Variants in PCDHGA1 observed in about 807,000 individuals in gnomAD.
PCDHGA1 encodes protocadherin gamma subfamily A, 1.
Under a neutral mutation model 58.0 loss-of-function variants are expected in PCDHGA1, and 32 were observed. The ratio of observed to expected loss-of-function variants is 0.55; its 90% CI spans 0.42 to 0.74. The LOEUF is 0.74. Ranked by LOEUF, PCDHGA1 falls within the 30% of genes least tolerant of loss-of-function variation. The pLI, the probability that PCDHGA1 is intolerant of heterozygous loss-of-function variation, is 0.00. For synonymous variants in PCDHGA1, 498 were observed against 501.1 expected, an observed-to-expected ratio of 0.99 and a Z score of 0.08; for missense variants, 1,205 against 1,182.3, an observed-to-expected ratio of 1.02 and a Z score of -0.28.
chr5:141,477,379 A>C lies in PCDHGA1; in HGVS notation c.2422-17428A>C, dbSNP rs1293075706. The stretch of plus-strand genomic sequence containing the variant: ...CAGACCTGGATCGGGAGACTGTGCC[A>C]GAATACAACCTCAGCATCACCGCCC... On this transcript the variant is annotated intron_variant, in intron 1 of 3. Transcript: ENST00000517417. This position sits in a 1 kb window ranked among gnomAD's most constrained non-coding sequence, Gnocchi z 4.9. 2 of 1,614,184 alleles carry C rather than the reference A, an allele frequency of 1.2e-6. No homozygotes were observed. Among genetic ancestry groups the C allele is most frequent in the Non-Finnish European group, 1.7e-6 (2 of 1,180,034 alleles).
intron 1 of PCDHGA1, among the ~76,000 whole-genome samples, chr5:141,387,064 G>A (rs2090802887): frequency 6.6e-6 from 1 of 152,174 alleles, no homozygotes; most frequent in Admixed American, 6.5e-5. Context: ...ATGAGGAGAG[G>A]AGTAGGCTAC....
At chr5:141,405,380 A>G in intron 1 of PCDHGA1, 1 of 1,602,960 alleles carries the variant, frequency 6.2e-7, no homozygotes, top group Non-Finnish European at 8.5e-7. Context: ...GGTTCCGGTG[A>G]GTTCATTTTT....
At chr5:141,384,110 T>A in intron 1 of PCDHGA1, 1 of 1,604,780 alleles carries the variant, frequency 6.2e-7, no homozygotes, top group Non-Finnish European at 8.5e-7. Context: ...TATTATAGAT[T>A]GGTCACAACC....
rs71576115 is a variant in PCDHGA1, at chr5:141,463,438, CTTTT to C, written c.2422-31344_2422-31341del. Among the ~76,000 whole-genome samples, 12 of 103,242 alleles carry C rather than the reference CTTTT, an allele frequency of 1.2e-4. No homozygotes were observed. In the South Asian group the frequency reaches 1.6e-3, roughly 14 times the overall value. 67.7% of individuals were successfully genotyped at this position (103,242 alleles called of 152,430 possible). ...GTTTGCGGATCCTCATTTCCTTCTCCTTTTTTTTTTTTTTTTTTTTTTTTTTTTG... is the reference window on the plus strand; with the variant it reads ...GTTTGCGGATCCTCATTTCCTTCTCCTTTTTTTTTTTTTTTTTTTTTTTTG... On this transcript the variant is annotated intron_variant, in intron 1 of 3. Coordinates refer to ENST00000517417, the MANE Select transcript of PCDHGA1 (RefSeq NM_018912.3).
At chr5:141,422,781 A>C (rs746943605) in intron 1 of PCDHGA1, 13 of 1,613,964 alleles carry the variant, frequency 8.1e-6, no homozygotes, top group African/African-American at 1.3e-5. Flanking sequence ...TCTATGCCCT[A>C]CAATCCTTCG....
chr5:141,419,304 G>T, intron 1 of PCDHGA1: 1 of 1,613,994 alleles, frequency 6.2e-7, no homozygotes, highest in Non-Finnish European at 8.5e-7. Context: ...CCAGACTTCG[G>T]GCTCAACGGC....
chr5:141,344,082 T>G (rs762082229), intron 1 of PCDHGA1: 2 of 1,611,254 alleles, frequency 1.2e-6, no homozygotes, highest in Admixed American at 1.7e-5. Flanking sequence ...GGCCCTGCTG[T>G]GCGCGCTCCT....
At position 141,486,182 on chromosome 5, in the gene PCDHGA1, C is replaced by G. The variant is rs1288782056; in HGVS notation, c.2422-8625C>G. On this transcript the variant is annotated intron_variant, in intron 1 of 3. Transcript: ENST00000517417. This position sits in a 1 kb window ranked among gnomAD's most constrained non-coding sequence, Gnocchi z 5.0. ...AGCCATGGAGCAACATTGCAGCCTT[C>G]GAGTGGATCTGCTGGACGTAAATGA... 1 of 1,614,198 alleles carries G rather than the reference C, an allele frequency of 6.2e-7. No individual in the cohort carries two copies. Among genetic ancestry groups the G allele is most frequent in the Non-Finnish European group, 8.5e-7 (1 of 1,180,028 alleles).
At chr5:141,420,483 T>C in intron 1 of PCDHGA1, 2 of 581,364 alleles carry the variant, frequency 3.4e-6, no homozygotes, top group Non-Finnish European at 5.2e-6. Context: ...GCAAACTACA[T>C]GGGTAATCTC....
At chr5:141,452,134 T>C (rs539377216) in intron 1 of PCDHGA1, among the ~76,000 whole-genome samples, 2 of 152,344 alleles carry the variant, frequency 1.3e-5, no homozygotes, top group South Asian at 2.1e-4. Flanking sequence ...ATATGGCTCA[T>C]GTGTTTTTTC....
intron 3 of PCDHGA1, chr5:141,506,955 C>T (rs1387377785): frequency 2.6e-5 from 4 of 152,362 alleles, no homozygotes; most frequent in South Asian, 2.1e-4. Context: ...AATGAATCCT[C>T]TCAATAGCTC....
intron 1 of PCDHGA1, chr5:141,411,909 A>T (rs1176626028): frequency 6.6e-6 from 1 of 152,204 alleles, no homozygotes; most frequent in Non-Finnish European, 1.5e-5. Flanking sequence ...TTGCCTTTGC[A>T]CTCAGTCTCT....
At chr5:141,427,115 C>G (rs1276437779) in intron 1 of PCDHGA1, 5 of 457,520 alleles carry the variant, frequency 1.1e-5, no homozygotes, top group African/African-American at 1.0e-4. Flanking sequence ...AGATCACCTA[C>G]TCTTTCAAAT....
At chr5:141,414,406 C>T (rs1315007586) in intron 1 of PCDHGA1, 6 of 1,613,764 alleles carry the variant, frequency 3.7e-6, no homozygotes, top group African/African-American at 2.7e-5. Flanking sequence ...ATTGGTGATA[C>T]ACAGAGCCCT....
intron 1 of PCDHGA1, chr5:141,371,948 A>C (rs200505160): frequency 1.9e-6 from 3 of 1,613,136 alleles, no homozygotes; most frequent in Admixed American, 1.7e-5. Context: ...TCGCGCAGCG[A>C]GCCTTCGACC....
At chr5:141,355,830 C>G (rs1245004655) in intron 1 of PCDHGA1, 7 of 1,612,458 alleles carry the variant, frequency 4.3e-6, no homozygotes, top group Non-Finnish European at 5.9e-6. Flanking sequence ...TTCACCACCT[C>G]GTTCTCACGG....
Position 141,510,977 on chromosome 5 carries a change from G to T in PCDHGA1, c.2600G>T (p.Gly867Val). 1.2e-6 allele frequency: 2 copies of T among 1,614,170 alleles called. No individual in the cohort carries two copies. Among genetic ancestry groups the T allele is most frequent in the Non-Finnish European group, 1.7e-6 (2 of 1,180,020 alleles). The change falls in exon 4 of 4, where the codon GGG becomes GTG. Residue 867 changes from glycine to valine, a missense_variant. Physicochemically the swap from Gly to Val is moderately radical, Grantham distance 109. Transcript: ENST00000517417. ...GCTGATGGGAGCTCCACCCTGGGAG[G>T]GGGTGCCGGCACCATGGGATTGAGC... ...EAADGSSTLG[G>V]GAGTMGLSAR...
rs913767837 is a variant in PCDHGA1, at chr5:141,491,909, C to T, written c.2422-2898C>T. 8.5e-6 allele frequency: 12 copies of T among 1,403,834 alleles called. No individual in the cohort carries two copies. Among genetic ancestry groups the T allele is most frequent in the Non-Finnish European group, 1.1e-5 (12 of 1,057,326 alleles). 87.0% of individuals were successfully genotyped at this position (1,403,834 alleles called of 1,614,324 possible). A position where few individuals can be genotyped will look rare whatever the true frequency, so the allele number is the denominator to read the frequency against. Reference sequence around the variant, plus strand: ...GGGCTCCGAGCACCGGGGGTGGTGGCGACTGTGGGCGAGGGGAGGTGGGAC... The same window carrying T: ...GGGCTCCGAGCACCGGGGGTGGTGGTGACTGTGGGCGAGGGGAGGTGGGAC... On this transcript the variant is annotated intron_variant, in intron 1 of 3. Transcript: ENST00000517417. The surrounding 1 kb of genome is among the most constrained non-coding windows in gnomAD (Gnocchi z 6.9).
At chr5:141,436,439 A>G (rs1481744238) in intron 1 of PCDHGA1, among the ~76,000 whole-genome samples, 5 of 152,208 alleles carry the variant, frequency 3.3e-5, no homozygotes, top group African/African-American at 1.2e-4. Flanking sequence ...TCTGGGGATT[A>G]CCTGATACCA....
Sources: allele counts gnomAD v4.1 joint callset (sites outside exome capture counted in the v4.1 genomes callset), GRCh38; gene constraint gnomAD v4.1.1; non-coding constraint Gnocchi (gnomAD v3.1); transcripts MANE v1.5; gene names NCBI Gene and HGNC (gene_info 2026-07-23, HGNC 2026-07-21).